CMIP: variants seen among roughly 807,000 people sequenced by gnomAD.
CMIP encodes C-Maf-inducing protein.
CMIP carries 13 observed loss-of-function variants against 97.3 expected under a neutral mutation model. The observed-to-expected ratio is 0.13, with a 90% CI of 0.09 to 0.21. The LOEUF (loss-of-function observed/expected upper bound fraction) is 0.21, where lower values mean the gene tolerates loss of function less well. Ranked by LOEUF, CMIP falls within the 10% of genes least tolerant of loss-of-function variation. CMIP has a pLI of 1.00. For missense variants in CMIP, 847 were observed against 1,024.9 expected, an observed-to-expected ratio of 0.83 and a Z score of 2.37; for synonymous variants, 538 against 436.3, an observed-to-expected ratio of 1.23 and a Z score of -2.91.
chr16:81,647,805 T>G (rs2150999166), intron 3 of CMIP, among the ~76,000 whole-genome samples: 1 of 152,184 alleles, frequency 6.6e-6, no homozygotes, highest in African/African-American at 2.4e-5. Context: ...CTGTTGATCC[T>G]GGACAGGCCT....
chr16:81,686,013 C>T (rs1366205460), intron 10 of CMIP, among the ~76,000 whole-genome samples: 1 of 152,226 alleles, frequency 6.6e-6, no homozygotes, highest in East Asian at 1.9e-4. Flanking sequence ...GCTGTGTGGC[C>T]TGGGGCCAGG....
At chr16:81,698,728 G>C (rs557188795) in intron 14 of CMIP, among the ~76,000 whole-genome samples, 1 of 152,076 alleles carries the variant, frequency 6.6e-6, no homozygotes, top group Non-Finnish European at 1.5e-5. Flanking sequence ...CTTATCTTCC[G>C]AAACTGAAAC....
rs566181102 is a variant in CMIP at position 81,679,319 on chromosome 16, T to G, written c.1388+691T>G. ...GGGTGTGTCTAGGCACTTGGGCTAG[T>G]TTTGTGCACTAGTGGCTGTGGCTGC... is the stretch of plus-strand genomic sequence containing the variant. On this transcript the variant is annotated intron_variant, in intron 10 of 20. Transcript: ENST00000537098. 2.1e-4 allele frequency among the ~76,000 whole-genome samples: 32 copies of G among 152,146 alleles called. No individual in the cohort carries two copies. In the South Asian group the frequency reaches 6.2e-3, roughly 30 times the overall value.
chr16:81,554,709 C>T (rs1279428647), intron 1 of CMIP, among the ~76,000 whole-genome samples: 2 of 152,136 alleles, frequency 1.3e-5, no homozygotes, highest in Non-Finnish European at 2.9e-5. Flanking sequence ...CTGTGTGACC[C>T]TGGGCAGGCA....
intron 1 of CMIP, among the ~76,000 whole-genome samples, chr16:81,571,231 A>T (rs193109030): frequency 6.6e-6 from 1 of 152,248 alleles, no homozygotes; most frequent in East Asian, 1.9e-4. Context: ...AGCATTTGGG[A>T]GGCTCAGGTG....
intron 1 of CMIP, among the ~76,000 whole-genome samples, chr16:81,529,869 T>C (rs2090199000): frequency 6.6e-6 from 1 of 152,156 alleles, no homozygotes; most frequent in South Asian, 2.1e-4. Flanking sequence ...ATTTTAGCCT[T>C]GTGAGGCCGT....
At chr16:81,537,260 G>A (rs1256183846) in intron 1 of CMIP, among the ~76,000 whole-genome samples, 2 of 151,984 alleles carry the variant, frequency 1.3e-5, no homozygotes, top group East Asian at 3.9e-4. Flanking sequence ...ATAGGCTGGG[G>A]GCGGTGGCTC....
At chr16:81,579,733 T>A (rs2091263530) in intron 1 of CMIP, among the ~76,000 whole-genome samples, 1 of 151,966 alleles carries the variant, frequency 6.6e-6, no homozygotes, top group Admixed American at 6.6e-5. Context: ...AAAAAATGGA[T>A]CACGAGGTCA....
At chr16:81,538,004 G>A (rs1259959212) in intron 1 of CMIP, among the ~76,000 whole-genome samples, 2 of 152,350 alleles carry the variant, frequency 1.3e-5, no homozygotes, top group African/African-American at 2.4e-5. Context: ...AACAATCATC[G>A]TTTCCACTCA....
chr16:81,703,177 G>A (rs909842649), intron 17 of CMIP, among the ~76,000 whole-genome samples: 4 of 152,140 alleles, frequency 2.6e-5, no homozygotes, highest in Admixed American at 2.6e-4. Context: ...GAAGGAGAAC[G>A]TGCCCCTTCC....
At chr16:81,641,778 C>G (rs2092309557) in intron 3 of CMIP, among the ~76,000 whole-genome samples, 2 of 152,250 alleles carry the variant, frequency 1.3e-5, no homozygotes, top group Non-Finnish European at 2.9e-5. Context: ...CAGCCTGCAA[C>G]TGCCTTTGGG....
intron 3 of CMIP, chr16:81,645,257 A>G (rs2092350853): frequency 1.4e-6 from 1 of 697,060 alleles, no homozygotes; most frequent in Non-Finnish European, 2.0e-6. Flanking sequence ...TCCCTGGCTC[A>G]TATTTCCCTG....
chr16:81,651,488 G>C (rs976685242), intron 3 of CMIP: 33 of 548,640 alleles, frequency 6.0e-5, no homozygotes, highest in Non-Finnish European at 7.4e-5. Flanking sequence ...GATTTCCCGG[G>C]GGAGCATTCC....
chr16:81,605,210 T>C (rs1476209658), intron 1 of CMIP, among the ~76,000 whole-genome samples: 1 of 152,062 alleles, frequency 6.6e-6, no homozygotes, highest in Admixed American at 6.6e-5. Context: ...GCCAGAACAG[T>C]GAAGGGCAGG....
chr16:81,448,972 G>C (rs1268309428), intron 1 of CMIP, among the ~76,000 whole-genome samples: 2 of 152,370 alleles, frequency 1.3e-5, no homozygotes, highest in East Asian at 1.9e-4. Context: ...AGGGCAGCCA[G>C]GGGTTCTGCA....
chr16:81,644,369 G>C (rs1216612972), intron 3 of CMIP, among the ~76,000 whole-genome samples: 1 of 152,174 alleles, frequency 6.6e-6, no homozygotes, highest in African/African-American at 2.4e-5. Context: ...GGGGAATAAG[G>C]CCAGGGGGCT....
At chr16:81,673,623 A>T (rs903637362) in intron 9 of CMIP, among the ~76,000 whole-genome samples, 2 of 152,180 alleles carry the variant, frequency 1.3e-5, no homozygotes, top group South Asian at 2.1e-4. Flanking sequence ...ACACACTGAG[A>T]GTTGCTCTGC....
At chr16:81,521,996 G>A (rs1180296690) in intron 1 of CMIP, among the ~76,000 whole-genome samples, 3 of 152,330 alleles carry the variant, frequency 2.0e-5, no homozygotes, top group Admixed American at 6.5e-5. Context: ...AAGCGTATAA[G>A]CAGGATTTCA....
intron 1 of CMIP, among the ~76,000 whole-genome samples, chr16:81,508,487 T>C (rs181517106): frequency 2.2e-3 from 328 of 152,362 alleles, no homozygotes; most frequent in Non-Finnish European, 3.7e-3. Flanking sequence ...TTCTACTCCA[T>C]AGCTCTATTT....
Sources: gnomAD v4.1 joint callset for allele counts (sites outside exome capture counted in the v4.1 genomes callset) on GRCh38, gnomAD v4.1.1 for gene constraint, MANE v1.5 for transcripts, NCBI Gene and HGNC (gene_info 2026-07-23, HGNC 2026-07-21) for gene names.